The following GPRIN3 variants were observed in gnomAD, a reference collection of about 807,000 sequenced individuals.
GPRIN3 encodes the protein GPRIN family member 3.
In GPRIN3, 12 loss-of-function variants were observed where a neutral mutation model predicts 13.7. The observed-to-expected ratio is 0.87, with a 90% CI of 0.56 to 1.42. GPRIN3 has a LOEUF of 1.42. Among genes scored for constraint, GPRIN3 ranks in the 40% most tolerant of loss-of-function variants. The probability of loss-of-function intolerance (pLI) is 0.00; values close to 1 mark genes in which losing one functional copy is unlikely to be tolerated. For synonymous variants in GPRIN3, 377 were observed against 372.7 expected, an observed-to-expected ratio of 1.01 and a Z score of -0.13; for missense variants, 1,009 against 958.7, an observed-to-expected ratio of 1.05 and a Z score of -0.69.
chr4:89,243,731 T>C lies in GPRIN3; in HGVS notation c.*4049A>G, dbSNP rs937417776. The C allele has an allele frequency of 2.0e-5, 3 of 151,768 alleles. No homozygotes were observed. The highest frequency in any genetic ancestry group is 2.9e-5 in the Non-Finnish European group (2 of 67,914). The allele number at this position is 151,768 out of a possible 1,614,324, so 9.4% of individuals were successfully genotyped here. ...CCATGGCAGCATTACAGATAATTAG[T>C]AAATCAGGCAGGTAGAGGTCTACAC... On this transcript the variant is annotated 3_prime_UTR_variant, in exon 2 of 2. Transcript: ENST00000609438.
In GPRIN3 at chr4:89,237,580, T is replaced by C. The variant is rs2149243844; in HGVS notation, c.*10200A>G. The C allele has an allele frequency of 6.6e-6, 1 of 152,274 alleles. No individual in the cohort carries two copies. Among genetic ancestry groups the C allele is most frequent in the South Asian group, 2.1e-4 (1 of 4,826 alleles). 9.4% of individuals were successfully genotyped at this position (152,274 alleles called of 1,614,324 possible). A position where few individuals can be genotyped will look rare whatever the true frequency, so the allele number is the denominator to read the frequency against. ...CAGGCACCACACGTGAGCCGGCAAG[T>C]AGGCCCTCACCAGACACCAAATTGG... On this transcript the variant is annotated 3_prime_UTR_variant, in exon 2 of 2. Transcript: ENST00000609438.
chr4:89,249,918 G>A lies in GPRIN3; in HGVS notation c.193C>T (p.Leu65=). Residue 65 remains leucine, a synonymous_variant, in exon 2 of 2, where the codon CTG becomes TTG. Coordinates refer to ENST00000609438, the MANE Select transcript of GPRIN3 (RefSeq NM_198281.3). ...GTCTCATGCTCACAAACCTGCATCA[G>A]GGCTTCGGCAGCTGCCCTGGGGCTG... ...DLSPRAAAEA[L]MQVCEHETTQ... 1 of 1,614,226 alleles carries A rather than the reference G, an allele frequency of 6.2e-7. No homozygotes were observed. Among genetic ancestry groups the A allele is most frequent in the Non-Finnish European group, 8.5e-7 (1 of 1,180,024 alleles).
rs761168420 is a variant in GPRIN3, at chr4:89,249,955, T to C, written c.156A>G (p.Ala52=). 4.3e-6 allele frequency: 7 copies of C among 1,614,114 alleles called. No homozygotes were observed. The African/African-American group carries it at 9.3e-5, about 22-fold the overall frequency. ...CTGCCCTGGGGCTGAGGTCTGGTTC[T>C]GCAGGGGCACCTGAAAAGCCATTGG... The part of the protein sequence containing the change: ...KNANGFSGAP[A]EPDLSPRAAA... The change falls in exon 2 of 2, where the codon GCA becomes GCG. Residue 52 remains alanine, a synonymous_variant. Coordinates refer to ENST00000609438, the MANE Select transcript of GPRIN3 (RefSeq NM_198281.3).
At position 89,236,514 on chromosome 4, in the gene GPRIN3, C is replaced by T. The variant is rs1722799383; in HGVS notation, c.*11266G>A. On this transcript the variant is annotated 3_prime_UTR_variant, in exon 2 of 2. Transcript: ENST00000609438. ...TCAGAGGAGTAAGAGAAGAAAAGAA[C>T]AATATTTTGCCTATGCCATTTAATT... is the stretch of plus-strand genomic sequence containing the variant. The T allele has an allele frequency of 6.6e-6, 1 of 152,072 alleles. No homozygotes were observed. The highest frequency in any genetic ancestry group is 1.9e-4 in the East Asian group (1 of 5,192). 9.4% of individuals were successfully genotyped at this position (152,072 alleles called of 1,614,324 possible). A position where few individuals can be genotyped will look rare whatever the true frequency, so the allele number is the denominator to read the frequency against.
rs1437283080 is a variant in GPRIN3, at chr4:89,246,726, G to A, written c.*1054C>T. ...GTGTTGACTACATTTGTTACTGGAA[G>A]TTACTGAACCCAATTAAAAAAAATC... On this transcript the variant is annotated 3_prime_UTR_variant, in exon 2 of 2. Transcript: ENST00000609438. 1 of 152,168 alleles carries A rather than the reference G, an allele frequency of 6.6e-6. No individual in the cohort carries two copies. The highest frequency in any genetic ancestry group is 1.5e-5 in the Non-Finnish European group (1 of 68,034). The allele number at this position is 152,168 out of a possible 1,614,324, so 9.4% of individuals were successfully genotyped here. A position where few individuals can be genotyped will look rare whatever the true frequency, so the allele number is the denominator to read the frequency against.
rs778586785 is a variant in GPRIN3, at chr4:89,249,190, A to C, written c.921T>G (p.Ser307Arg). 1.2e-6 allele frequency: 2 copies of C among 1,613,964 alleles called. No individual in the cohort carries two copies. Among genetic ancestry groups the C allele is most frequent in the South Asian group, 2.2e-5 (2 of 91,076 alleles). ...CCCTGCTGGGAACTTCCTTGATTTC[A>C]CTTTCAGCTTGGTTGGTCATCGTAC... ...EASTMTNQAE[S>R]EIKEVPSRAW... is the part of the protein sequence containing the mutation. Residue 307 changes from serine (S) to arginine (R), a missense_variant, in exon 2 of 2, where the codon AGT becomes AGG. Coordinates refer to ENST00000609438, the MANE Select transcript of GPRIN3 (RefSeq NM_198281.3).
chr4:89,236,821 C>T lies in GPRIN3; in HGVS notation c.*10959G>A, dbSNP rs1722804638. On this transcript the variant is annotated 3_prime_UTR_variant, in exon 2 of 2. Transcript: ENST00000609438. ...TCTGTGCCATTGACAAATTGTAAAA[C>T]TGTGCATGTATACATTATACCTCCT... 6.6e-6 allele frequency: 1 copy of T among 152,106 alleles called. No individual in the cohort carries two copies. The highest frequency in any genetic ancestry group is 1.5e-5 in the Non-Finnish European group (1 of 68,028). The allele number at this position is 152,106 out of a possible 1,614,324, so 9.4% of individuals were successfully genotyped here. A position where few individuals can be genotyped will look rare whatever the true frequency, so the allele number is the denominator to read the frequency against.
At position 89,244,986 on chromosome 4, in the gene GPRIN3, C is replaced by T. The variant is rs1020950790; in HGVS notation, c.*2794G>A. On this transcript the variant is annotated 3_prime_UTR_variant, in exon 2 of 2. Coordinates refer to ENST00000609438, the MANE Select transcript of GPRIN3 (RefSeq NM_198281.3). ...AAAAAACTGAGCAAGTTCCAAGAGT[C>T]TACCAAGAAAACTGTTTTGCAGCTT... is the stretch of plus-strand genomic sequence containing the variant. 2 of 152,172 alleles carry T rather than the reference C, an allele frequency of 1.3e-5. No individual in the cohort carries two copies. The highest frequency in any genetic ancestry group is 2.9e-5 in the Non-Finnish European group (2 of 68,032). 9.4% of individuals were successfully genotyped at this position (152,172 alleles called of 1,614,324 possible).
At position 89,249,944 on chromosome 4, in the gene GPRIN3, A is replaced by C. The variant is rs773745520; in HGVS notation, c.167T>G (p.Leu56Arg). The C allele has an allele frequency of 2.5e-6, 4 of 1,614,052 alleles. No individual in the cohort carries two copies. In the African/African-American group the frequency reaches 5.3e-5, roughly 22 times the overall value. The change falls in exon 2 of 2, where the codon CTC becomes CGC. Residue 56 changes from leucine to arginine, a missense_variant. By Grantham distance (102) the Leu-to-Arg change is moderately radical. Transcript: ENST00000609438. Reference sequence around the variant, plus strand: ...GGCTTCGGCAGCTGCCCTGGGGCTGAGGTCTGGTTCTGCAGGGGCACCTGA... The same window carrying C: ...GGCTTCGGCAGCTGCCCTGGGGCTGCGGTCTGGTTCTGCAGGGGCACCTGA... ...GFSGAPAEPDLSPRAAAEALM... is the reference protein window; with the variant it reads ...GFSGAPAEPDRSPRAAAEALM...
At chr4:89,257,541 T>C (rs1723500995) in intron 1 of GPRIN3, among the ~76,000 whole-genome samples, 1 of 152,188 alleles carries the variant, frequency 6.6e-6, no homozygotes, top group Non-Finnish European at 1.5e-5. Flanking sequence ...AACAGCTCTA[T>C]AAGGATGGTC....
rs543256680 is a variant in GPRIN3 at position 89,285,134 on chromosome 4, C to T, written c.-124+22481G>A. Among the ~76,000 whole-genome samples the T allele has an allele frequency of 5.5e-4, 84 of 151,728 alleles. 3 individuals are homozygous for T. In the South Asian group the frequency reaches 0.017, roughly 31 times the overall value. ...CACCCCAACCAATCAGCAGCAAGCA[C>T]CTAGCCACTCTCACCCCTTCCCCCA... On this transcript the variant is annotated intron_variant, in intron 1 of 1. Transcript: ENST00000609438.
Position 89,242,700 on chromosome 4 carries a change from G to C in GPRIN3, c.*5080C>G, listed in dbSNP as rs1311676053. 1 of 152,106 alleles carries C rather than the reference G, an allele frequency of 6.6e-6. No individual in the cohort carries two copies. The highest frequency in any genetic ancestry group is 1.5e-5 in the Non-Finnish European group (1 of 68,034). The allele number at this position is 152,106 out of a possible 1,614,324, so 9.4% of individuals were successfully genotyped here. On this transcript the variant is annotated 3_prime_UTR_variant, in exon 2 of 2. Coordinates refer to ENST00000609438, the MANE Select transcript of GPRIN3 (RefSeq NM_198281.3). ...TGGTGTGCCCATAATAGATGCATTT[G>C]CTGGTATAACTGCCTCTTTTTGGCA... is the stretch of plus-strand genomic sequence containing the variant.
intron 1 of GPRIN3, among the ~76,000 whole-genome samples, chr4:89,293,506 C>T (rs576681035): frequency 1.6e-3 from 241 of 152,336 alleles, no homozygotes; most frequent in African/African-American, 5.6e-3. Flanking sequence ...ACATTTGGCT[C>T]CCCACAGATC....
Position 89,248,443 on chromosome 4 carries a change from G to T in GPRIN3, c.1668C>A (p.Thr556=), listed in dbSNP as rs767649789. Residue 556 remains threonine (T), a synonymous_variant, in exon 2 of 2, where the codon ACC becomes ACA. Coordinates refer to ENST00000609438, the MANE Select transcript of GPRIN3 (RefSeq NM_198281.3). ...VKEKESTGTD[T]SDAKTLLLNP... ...TGAGCAGTAGGGTTTTGGCATCCGA[G>T]GTATCAGTGCCAGTAGACTCTTTTT... is the stretch of plus-strand genomic sequence containing the variant. 2 of 1,613,936 alleles carry T rather than the reference G, an allele frequency of 1.2e-6. No individual in the cohort carries two copies. Among genetic ancestry groups the T allele is most frequent in the Non-Finnish European group, 1.7e-6 (2 of 1,179,992 alleles).
chr4:89,287,219 TG>T (rs1724447567), intron 1 of GPRIN3, among the ~76,000 whole-genome samples: 5 of 152,144 alleles, frequency 3.3e-5, no homozygotes, highest in Admixed American at 3.3e-4. Context: ...AAATAACTCT[TG>T]TACTAGACAT....
rs905461314 is a variant in GPRIN3, at chr4:89,250,269, C to CTTAAGGATTAATACA, written c.-123-37_-123-36insTGTATTAATCCTTAA. 7.2e-6 allele frequency: 10 copies of CTTAAGGATTAATACA among 1,380,056 alleles called. No individual in the cohort carries two copies. The African/African-American group carries it at 1.4e-4, about 20-fold the overall frequency. The allele number at this position is 1,380,056 out of a possible 1,614,324, so 85.5% of individuals were successfully genotyped here. A position where few individuals can be genotyped will look rare whatever the true frequency, so the allele number is the denominator to read the frequency against. ...AGGAAACAGCATCATTAATACAGTA[C>CTTAAGGATTAATACA]GTCGCTTAAGGATTGAAAAATAAAC... On this transcript the variant is annotated intron_variant, in intron 1 of 1. Coordinates refer to ENST00000609438, the MANE Select transcript of GPRIN3 (RefSeq NM_198281.3).
intron 1 of GPRIN3, among the ~76,000 whole-genome samples, chr4:89,255,927 C>T (rs752899186): frequency 1.3e-5 from 2 of 152,188 alleles, no homozygotes; most frequent in Non-Finnish European, 2.9e-5. Context: ...TAATGGGAAC[C>T]GTATCCTTGA....
Position 89,249,521 on chromosome 4 carries a change from C to G in GPRIN3, c.590G>C (p.Gly197Ala). The change falls in exon 2 of 2, where the codon GGA (glycine) becomes GCA (alanine). Residue 197 changes from glycine to alanine, a missense_variant. Coordinates refer to ENST00000609438, the MANE Select transcript of GPRIN3 (RefSeq NM_198281.3). The part of the protein sequence containing the change: ...CEFPSPETIQ[G>A]TVQTPVTAAR... ...TGCTGTCACTGGAGTCTGCACTGTT[C>G]CCTGGATTGTTTCTGGAGAAGGAAA... 1 of 1,614,148 alleles carries G rather than the reference C, an allele frequency of 6.2e-7. No homozygotes were observed. The highest frequency in any genetic ancestry group is 8.5e-7 in the Non-Finnish European group (1 of 1,180,012).
intron 1 of GPRIN3, among the ~76,000 whole-genome samples, chr4:89,303,952 A>G (rs1724970596): frequency 6.6e-6 from 1 of 152,064 alleles, no homozygotes; most frequent in Non-Finnish European, 1.5e-5. Flanking sequence ...TTCCAACTTG[A>G]TATTTATTTC....
Sources: gnomAD v4.1 joint callset for allele counts (sites outside exome capture counted in the v4.1 genomes callset) on GRCh38, gnomAD v4.1.1 for gene constraint, MANE v1.5 for transcripts, NCBI Gene and HGNC (gene_info 2026-07-23, HGNC 2026-07-21) for gene names.